CAMKMT: variants seen among roughly 807,000 people sequenced by gnomAD.
CAMKMT encodes CaM KMT.
CAMKMT carries 53 observed loss-of-function variants against 48.0 expected under a neutral mutation model. The observed-to-expected ratio is 1.10, with a 90% CI of 0.89 to 1.39. CAMKMT has a LOEUF of 1.39. Among genes scored for constraint, CAMKMT ranks in the 40% most tolerant of loss-of-function variants. The pLI is 0.00. For missense variants in CAMKMT, 428 were observed against 402.7 expected (o/e 1.06, Z -0.54); for synonymous variants, 165 against 152.3 (o/e 1.08, Z -0.61).
At chr2:44,433,345 T>C (rs2104542526) in intron 3 of CAMKMT, among the ~76,000 whole-genome samples, 1 of 152,320 alleles carries the variant, frequency 6.6e-6, no homozygotes, top group East Asian at 1.9e-4. Context: ...TGAATTAACA[T>C]AGTAAGTAAT....
chr2:44,703,772 A>T (rs1344132002), intron 3 of CAMKMT, among the ~76,000 whole-genome samples: 4 of 74,496 alleles, frequency 5.4e-5, no homozygotes, highest in Admixed American at 1.5e-4. Context: ...GCAAGACTCT[A>T]AAAAAAAAAA....
At chr2:44,681,368 C>T (rs374783506) in intron 3 of CAMKMT, among the ~76,000 whole-genome samples, 2 of 152,090 alleles carry the variant, frequency 1.3e-5, no homozygotes, top group African/African-American at 2.4e-5. Context: ...GATCCCCTAC[C>T]GCTCATAGCT....
rs111234862 is a variant in CAMKMT at position 44,663,689 on chromosome 2, C to T, written c.377-40594C>T. 3.9e-4 allele frequency among the ~76,000 whole-genome samples: 59 copies of T among 152,208 alleles called. No individual in the cohort carries two copies. In the Middle Eastern group the frequency reaches 0.01, roughly 27 times the overall value. On this transcript the variant is annotated intron_variant, in intron 3 of 10. Coordinates refer to ENST00000378494, the MANE Select transcript of CAMKMT (RefSeq NM_024766.5). ...GCCTATTCTCATGGGGTTTTAATTG[C>T]CTATAACATTTTATTGTTCACCCTC...
intron 3 of CAMKMT, among the ~76,000 whole-genome samples, chr2:44,394,308 G>A (rs929545794): frequency 6.6e-6 from 1 of 152,092 alleles, no homozygotes; most frequent in Non-Finnish European, 1.5e-5. Context: ...CTCCATGACA[G>A]GACCCTGTGG....
Position 44,589,676 on chromosome 2 carries a change from C to T in CAMKMT, c.377-114607C>T, listed in dbSNP as rs1670131805. Among the ~76,000 whole-genome samples the T allele has an allele frequency of 2.5e-5, 2 of 80,842 alleles. 1 individual carries two copies. Among genetic ancestry groups the T allele is most frequent in the African/African-American group, 9.4e-5 (2 of 21,208 alleles). The allele number at this position is 80,842 out of a possible 152,430, so 53.0% of individuals were successfully genotyped here. Reference sequence around the variant, plus strand: ...CAAGATGTGCTTTGTTAAACAGATGCTTGAAGTCAGCATGCTCGTTAAGAG... The same window carrying T: ...CAAGATGTGCTTTGTTAAACAGATGTTTGAAGTCAGCATGCTCGTTAAGAG... On this transcript the variant is annotated intron_variant, in intron 3 of 10. Coordinates refer to ENST00000378494, the MANE Select transcript of CAMKMT (RefSeq NM_024766.5).
intron 3 of CAMKMT, among the ~76,000 whole-genome samples, chr2:44,443,265 G>A (rs1276013251): frequency 6.6e-6 from 1 of 152,242 alleles, no homozygotes; most frequent in East Asian, 1.9e-4. Flanking sequence ...CTTTTCATCT[G>A]ACAAAGGAGG....
intron 7 of CAMKMT, among the ~76,000 whole-genome samples, chr2:44,728,498 C>T (rs1268949665): frequency 6.6e-6 from 1 of 152,164 alleles, no homozygotes; most frequent in Non-Finnish European, 1.5e-5. Context: ...GGATTGGTAT[C>T]AGTTCTTCTT....
At chr2:44,727,159 G>T (rs1318223408) in intron 7 of CAMKMT, among the ~76,000 whole-genome samples, 1 of 152,192 alleles carries the variant, frequency 6.6e-6, no homozygotes, top group Admixed American at 6.5e-5. Flanking sequence ...TGCGAAGAAT[G>T]ACATTGGTAG....
At chr2:44,486,835 C>T (rs181894498) in intron 3 of CAMKMT, among the ~76,000 whole-genome samples, 36 of 152,288 alleles carry the variant, frequency 2.4e-4, no homozygotes, top group Non-Finnish European at 4.6e-4. Flanking sequence ...GTTGTCTGTC[C>T]TGAGAGACAT....
Position 44,640,448 on chromosome 2 carries a change from G to A in CAMKMT, c.377-63835G>A, listed in dbSNP as rs555105932. ...ACACTGGGTTGCACATAATTTAACC[G>A]CATGGGCTTTGGAATTATGCTGCCT... On this transcript the variant is annotated intron_variant, in intron 3 of 10. Transcript: ENST00000378494. Among the ~76,000 whole-genome samples the A allele has an allele frequency of 3.7e-4, 56 of 152,242 alleles. 1 individual carries two copies. In the East Asian group the frequency reaches 5.6e-3, roughly 15 times the overall value.
At chr2:44,553,950 A>G (rs1366579673) in intron 3 of CAMKMT, among the ~76,000 whole-genome samples, 4 of 152,224 alleles carry the variant, frequency 2.6e-5, no homozygotes, top group Non-Finnish European at 2.9e-5. Flanking sequence ...AAAACATAAC[A>G]TTTAAAAAAG....
chr2:44,584,447 T>A lies in CAMKMT; in HGVS notation c.377-119836T>A, dbSNP rs1669737921. ...TATCCCCAAATGAGCTATAAAGACA[T>A]GTCCCACCTGAAAAAACAGTTTCAT... On this transcript the variant is annotated intron_variant, in intron 3 of 10. Transcript: ENST00000378494. Among the ~76,000 whole-genome samples, 6 of 152,298 alleles carry A rather than the reference T, an allele frequency of 3.9e-5. No homozygotes were observed. The South Asian group carries it at 1.2e-3, about 32-fold the overall frequency.
chr2:44,615,188 A>G (rs1671819396), intron 3 of CAMKMT, among the ~76,000 whole-genome samples: 1 of 151,754 alleles, frequency 6.6e-6, no homozygotes, highest in African/African-American at 2.4e-5. Flanking sequence ...AGCCTCCCAA[A>G]GCATTGGGAT....
At chr2:44,623,493 A>G (rs1672305956) in intron 3 of CAMKMT, among the ~76,000 whole-genome samples, 1 of 152,044 alleles carries the variant, frequency 6.6e-6, no homozygotes, top group African/African-American at 2.4e-5. Flanking sequence ...ATCTTGAGTT[A>G]ATTTTTTTAT....
At chr2:44,600,644 A>C (rs1013316366) in intron 3 of CAMKMT, among the ~76,000 whole-genome samples, 1 of 152,094 alleles carries the variant, frequency 6.6e-6, no homozygotes, top group Non-Finnish European at 1.5e-5. Context: ...AACTTGGGCA[A>C]GGTTGTTCAG....
chr2:44,493,867 A>G (rs1367784694), intron 3 of CAMKMT, among the ~76,000 whole-genome samples: 1 of 152,210 alleles, frequency 6.6e-6, no homozygotes. Context: ...AAAAATAAGC[A>G]AACCAGTAAC....
chr2:44,694,438 G>T (rs930371217), intron 3 of CAMKMT, among the ~76,000 whole-genome samples: 2 of 152,096 alleles, frequency 1.3e-5, no homozygotes, highest in African/African-American at 2.4e-5. Flanking sequence ...GCTGGGTGTG[G>T]TGGTGCACAC....
intron 3 of CAMKMT, among the ~76,000 whole-genome samples, chr2:44,594,257 A>G (rs989125883): frequency 2.6e-5 from 4 of 152,334 alleles, no homozygotes; most frequent in Non-Finnish European, 5.9e-5. Flanking sequence ...TATAAATTCA[A>G]TGCTATCCCC....
chr2:44,484,226 G>A (rs939625504), intron 3 of CAMKMT, among the ~76,000 whole-genome samples: 2 of 151,340 alleles, frequency 1.3e-5, no homozygotes, highest in South Asian at 4.2e-4. Flanking sequence ...ACTGACAAAC[G>A]ATTTTAACGT....
Sources: gnomAD v4.1 joint callset for allele counts (sites outside exome capture counted in the v4.1 genomes callset) on GRCh38, gnomAD v4.1.1 for gene constraint, MANE v1.5 for transcripts, NCBI Gene and HGNC (gene_info 2026-07-23, HGNC 2026-07-21) for gene names.